ADARB2: variants seen among roughly 807,000 people sequenced by gnomAD.
ADARB2 encodes the protein adenosine deaminase RNA specific B2 (inactive).
ADARB2 carries 25 observed loss-of-function variants against 62.2 expected under a neutral mutation model. The ratio of observed to expected loss-of-function variants is 0.40; its 90% CI spans 0.29 to 0.56. The LOEUF (loss-of-function observed/expected upper bound fraction) is 0.56, where lower values mean the gene tolerates loss of function less well. ADARB2 is among the 20% of genes least tolerant of loss of function. ADARB2 has a pLI of 0.43. For synonymous variants in ADARB2, 572 were observed against 500.8 expected, an observed-to-expected ratio of 1.14 and a Z score of -1.90; for missense variants, 1,071 against 1,077.4, an observed-to-expected ratio of 0.99 and a Z score of 0.08.
At chr10:1,445,493 C>T (rs1439308634) in intron 1 of ADARB2, among the ~76,000 whole-genome samples, 2 of 152,126 alleles carry the variant, frequency 1.3e-5, no homozygotes, top group Non-Finnish European at 1.5e-5. Flanking sequence ...CCCATCCACC[C>T]ATTCTTCCAT....
intron 1 of ADARB2, among the ~76,000 whole-genome samples, chr10:1,449,137 C>T (rs1831007325): frequency 6.6e-6 from 1 of 152,196 alleles, no homozygotes; most frequent in Non-Finnish European, 1.5e-5. Context: ...ACCAGGTCCC[C>T]CTCACCCGAG....
chr10:1,194,565 T>C (rs1242787916), intron 8 of ADARB2, among the ~76,000 whole-genome samples: 2 of 152,256 alleles, frequency 1.3e-5, no homozygotes, highest in East Asian at 3.8e-4. Context: ...ATCATCTATC[T>C]ATTCATCCAT....
intron 1 of ADARB2, among the ~76,000 whole-genome samples, chr10:1,429,173 C>T (rs1464410398): frequency 1.3e-5 from 2 of 152,174 alleles, no homozygotes; most frequent in Non-Finnish European, 2.9e-5. Flanking sequence ...TTCTGTAATG[C>T]CTCTTACAAT....
At chr10:1,383,423 C>T (rs1343361192) in intron 1 of ADARB2, among the ~76,000 whole-genome samples, 2 of 142,416 alleles carry the variant, frequency 1.4e-5, no homozygotes, top group African/African-American at 5.1e-5. Flanking sequence ...GAGGATTTTC[C>T]TTGAGTATGA....
chr10:1,630,956 A>AAAACAAACAAACAAAC, intron 1 of ADARB2, among the ~76,000 whole-genome samples: 1 of 149,362 alleles, frequency 6.7e-6, no homozygotes, highest in South Asian at 2.2e-4. Context: ...CTCCTTCTCA[A>AAAACAAACAAACAAAC]AAACAAACAA....
At chr10:1,625,880 T>TGCCCCACTTCTCACGCCTCTACCTGACC (rs1833759436) in intron 1 of ADARB2, among the ~76,000 whole-genome samples, 1 of 145,744 alleles carries the variant, frequency 6.9e-6, no homozygotes, top group Non-Finnish European at 1.5e-5. Flanking sequence ...CCTGCCTGGC[T>TGCCCCACTTCTCACGCCTCTACCTGACC]GCCCCACTTC....
intron 3 of ADARB2, among the ~76,000 whole-genome samples, chr10:1,305,140 T>TG (rs1831613927): frequency 7.0e-6 from 1 of 143,694 alleles, no homozygotes; most frequent in Non-Finnish European, 1.5e-5. Context: ...ATCAACAAAA[T>TG]TGATAGACCA....
At chr10:1,513,090 T>A (rs969681456) in intron 1 of ADARB2, among the ~76,000 whole-genome samples, 6 of 152,234 alleles carry the variant, frequency 3.9e-5, no homozygotes, top group Admixed American at 1.3e-4. Flanking sequence ...CCACACTGAA[T>A]GGTAACTTTG....
In ADARB2 at chr10:1,436,733, T is replaced by A. The variant is rs372249756; in HGVS notation, c.101-57573A>T. Among the ~76,000 whole-genome samples, 18 of 152,334 alleles carry A rather than the reference T, an allele frequency of 1.2e-4. No individual in the cohort carries two copies. The South Asian group carries it at 3.5e-3, about 30-fold the overall frequency. On this transcript the variant is annotated intron_variant, in intron 1 of 9. Transcript: ENST00000381312. ...ACATTTTTGCTTTAAACGAGTGATT[T>A]CATTTAAATAAAAAAGTCTTATTTT...
chr10:1,456,468 C>T (rs10903453), intron 1 of ADARB2, among the ~76,000 whole-genome samples: 88,253 of 151,978 alleles, frequency 0.58, 26,946 homozygotes, highest in Middle Eastern at 0.7. Context: ...CTCATGCCTC[C>T]CGTCCCCGGC....
chr10:1,360,228 C>G (rs534659879), intron 3 of ADARB2, among the ~76,000 whole-genome samples: 1 of 152,262 alleles, frequency 6.6e-6, no homozygotes, highest in Non-Finnish European at 1.5e-5. Flanking sequence ...CCTGGACGGA[C>G]TCCGGGAGGG....
chr10:1,644,440 A>C (rs904278502), intron 1 of ADARB2, among the ~76,000 whole-genome samples: 1 of 152,228 alleles, frequency 6.6e-6, no homozygotes, highest in Non-Finnish European at 1.5e-5. Context: ...TTTGCTATCC[A>C]AGCTCGGTCG....
At chr10:1,390,647 C>T (rs1204532980) in intron 1 of ADARB2, among the ~76,000 whole-genome samples, 1 of 151,192 alleles carries the variant, frequency 6.6e-6, no homozygotes, top group Non-Finnish European at 1.5e-5. Context: ...TTTCCGTTTT[C>T]TTTTTTATTC....
intron 4 of ADARB2, among the ~76,000 whole-genome samples, chr10:1,249,647 C>T (rs988559308): frequency 6.6e-6 from 1 of 151,592 alleles, no homozygotes; most frequent in Non-Finnish European, 1.5e-5. Flanking sequence ...CACATACACA[C>T]GAGTATCATG....
chr10:1,647,413 A>T (rs1282129293), intron 1 of ADARB2, among the ~76,000 whole-genome samples: 1 of 92,524 alleles, frequency 1.1e-5, no homozygotes, highest in Admixed American at 1.2e-4. Flanking sequence ...ATGTGTGTGC[A>T]TATATGTGTA....
At chr10:1,270,462 G>C (rs1831250244) in intron 4 of ADARB2, among the ~76,000 whole-genome samples, 1 of 152,138 alleles carries the variant, frequency 6.6e-6, no homozygotes, top group Non-Finnish European at 1.5e-5. Flanking sequence ...GTTTCCACAG[G>C]GCCGATTGAT....
At chr10:1,286,588 A>G (rs748952918) in intron 3 of ADARB2, among the ~76,000 whole-genome samples, 7 of 152,196 alleles carry the variant, frequency 4.6e-5, no homozygotes, top group African/African-American at 7.2e-5. Flanking sequence ...AAAGCCCTAA[A>G]CTTGGGATCA....
intron 1 of ADARB2, among the ~76,000 whole-genome samples, chr10:1,698,089 C>T (rs1211183094): frequency 4.6e-5 from 7 of 152,236 alleles, no homozygotes; most frequent in Non-Finnish European, 8.8e-5. Flanking sequence ...CTCTACCTCT[C>T]CCACTGCCCT....
At chr10:1,580,947 G>A (rs1014001832) in intron 1 of ADARB2, among the ~76,000 whole-genome samples, 4 of 152,200 alleles carry the variant, frequency 2.6e-5, no homozygotes, top group Admixed American at 2.0e-4. Context: ...ACCATCGTGC[G>A]GATGAAGCCC....
Sources: gnomAD v4.1 joint callset for allele counts (sites outside exome capture counted in the v4.1 genomes callset) on GRCh38, gnomAD v4.1.1 for gene constraint, MANE v1.5 for transcripts, NCBI Gene and HGNC (gene_info 2026-07-23, HGNC 2026-07-21) for gene names.